The following DNMT3A variants were observed in gnomAD, a reference collection of about 807,000 sequenced individuals.
The protein encoded by DNMT3A is DNA methyltransferase 3 alpha, also known as DNA (cytosine-5)-methyltransferase 3A.
A neutral mutation model predicts 117.6 loss-of-function variants in DNMT3A; 267 were observed. The ratio of observed to expected loss-of-function variants is 2.27; its 90% CI spans 2.05 to 2.51. The LOEUF is 2.51. Ranked by LOEUF, DNMT3A falls within the 30% of genes most tolerant of loss-of-function variation. The pLI is 0.00. For synonymous variants in DNMT3A, 432 were observed against 474.8 expected (o/e 0.91, Z 1.17); for missense variants, 1,029 against 1,260.2 (o/e 0.82, Z 2.78).
intron 3 of DNMT3A, among the ~76,000 whole-genome samples, chr2:25,291,733 G>T (rs985408960): frequency 2.6e-5 from 4 of 152,236 alleles, no homozygotes; most frequent in African/African-American, 9.6e-5. Context: ...TGTCTGAGGA[G>T]AGAACTCTGG....
At chr2:25,329,679 A>C (rs1404391306) in intron 1 of DNMT3A, among the ~76,000 whole-genome samples, 2,833 of 122,586 alleles carry the variant, frequency 0.023, 131 homozygotes, top group African/African-American at 0.075. Context: ...GACCCCACAC[A>C]CACACACACA....
At chr2:25,244,782 G>C in intron 13 of DNMT3A, 130 bp from the exon 14 acceptor site, 1 of 739,792 alleles carries the variant, frequency 1.4e-6, no homozygotes, top group Non-Finnish European at 2.3e-6. Context: ...ACCTTAGCCA[G>C]GGTCAGGCCC....
At chr2:25,243,447 G>A (rs1025353373) in intron 16 of DNMT3A, among the ~76,000 whole-genome samples, 8 of 152,014 alleles carry the variant, frequency 5.3e-5, no homozygotes, top group Admixed American at 1.3e-4. Context: ...AAACACAAAC[G>A]CACAGAAAAA....
At chr2:25,244,374 G>A (rs1455289372) in intron 14 of DNMT3A, 36 bp from the exon 15 acceptor site, 1 of 1,577,866 alleles carries the variant, frequency 6.3e-7, no homozygotes, top group South Asian at 1.1e-5. Context: ...GAGACTCTCA[G>A]CCCTGGTCCG....
At chr2:25,251,296 C>T (rs1675522885) in intron 6 of DNMT3A, among the ~76,000 whole-genome samples, 1 of 151,984 alleles carries the variant, frequency 6.6e-6, no homozygotes. Context: ...CTGCCTTCCT[C>T]CCCAGGCAAA....
intron 19 of DNMT3A, chr2:25,239,625 C>T: frequency 2.1e-6 from 1 of 483,266 alleles, no homozygotes; most frequent in Non-Finnish European, 4.4e-6. Flanking sequence ...TACCCAGAGG[C>T]TGGGAGAGCC....
chr2:25,242,780 G>C (rs1408305716), intron 16 of DNMT3A, among the ~76,000 whole-genome samples: 1 of 152,148 alleles, frequency 6.6e-6, no homozygotes, highest in African/African-American at 2.4e-5. Flanking sequence ...CTCCTAGGAC[G>C]CTTTCTGCAG....
At chr2:25,239,360 A>T in intron 19 of DNMT3A, 145 bp from the exon 20 acceptor site, 2 of 710,886 alleles carry the variant, frequency 2.8e-6, no homozygotes, top group Non-Finnish European at 5.1e-6. Context: ...AGCCTCCAGG[A>T]GAAGCTGGAA....
At chr2:25,336,214 G>A (rs891783030) in intron 1 of DNMT3A, among the ~76,000 whole-genome samples, 1 of 152,236 alleles carries the variant, frequency 6.6e-6, no homozygotes, top group Admixed American at 6.5e-5. Flanking sequence ...CCTCTGGGTT[G>A]GTGGCTCGGT....
chr2:25,329,202 G>A (rs2034915543), intron 1 of DNMT3A, among the ~76,000 whole-genome samples: 1 of 152,136 alleles, frequency 6.6e-6, no homozygotes, highest in African/African-American at 2.4e-5. Context: ...CCAGGGTTCT[G>A]AGCAGCACAT....
intron 2 of DNMT3A, 67 bp downstream of exon 2, chr2:25,313,846 T>A (rs753039749): frequency 6.5e-7 from 1 of 1,547,726 alleles, no homozygotes; most frequent in Non-Finnish European, 8.7e-7. Context: ...GAGCCGGCTG[T>A]CATCACATAG....
intron 3 of DNMT3A, among the ~76,000 whole-genome samples, chr2:25,288,357 G>A (rs1558711089): frequency 6.6e-6 from 1 of 151,936 alleles, no homozygotes; most frequent in Non-Finnish European, 1.5e-5. Flanking sequence ...TGTGAACCTA[G>A]GAGGCAGAGC....
chr2:25,274,279 CT>C (rs1265595788), intron 6 of DNMT3A, among the ~76,000 whole-genome samples: 2 of 152,362 alleles, frequency 1.3e-5, no homozygotes, highest in East Asian at 3.9e-4. Context: ...CACCCCAAAG[CT>C]CTTCTCTGTC....
chr2:25,239,131 TGTTCATACCGGGAAG>T lies in DNMT3A; in HGVS notation c.2392_2406del (p.Leu798_Asn802del). ...CCAGGCCCAGGAGCTTTCACCAACC[TGTTCATACCGGGAAG>T]GTTACCCCAGAAGTAGCGGGCCCTG... On this transcript the variant is annotated inframe_deletion and splice_region_variant, in exon 20 of 23. Coordinates refer to ENST00000321117, the MANE Select transcript of DNMT3A (RefSeq NM_022552.5). The T allele has an allele frequency of 6.2e-7, 1 of 1,613,840 alleles. No homozygotes were observed. Among genetic ancestry groups the T allele is most frequent in the Non-Finnish European group, 8.5e-7 (1 of 1,179,826 alleles).
chr2:25,336,844 T>C (rs1197376342), intron 1 of DNMT3A, among the ~76,000 whole-genome samples: 1 of 152,180 alleles, frequency 6.6e-6, no homozygotes, highest in Non-Finnish European at 1.5e-5. Context: ...GCCCCACTTC[T>C]GTGCTCTGGG....
chr2:25,302,546 A>AC (rs1487932204), intron 2 of DNMT3A, among the ~76,000 whole-genome samples: 2 of 152,306 alleles, frequency 1.3e-5, no homozygotes, highest in African/African-American at 4.8e-5. Flanking sequence ...AGCACAGCAG[A>AC]CGGGCGGTGA....
chr2:25,287,491 T>G (rs2032396679), intron 3 of DNMT3A, among the ~76,000 whole-genome samples: 1 of 152,162 alleles, frequency 6.6e-6, no homozygotes, highest in Non-Finnish European at 1.5e-5. Context: ...ATCTTCGCTT[T>G]CCTTCTGGGC....
rs1672782427 is a variant in DNMT3A at position 25,229,264 on chromosome 2, T to A, written c.*5015A>T. On this transcript the variant is annotated 3_prime_UTR_variant, in exon 23 of 23. Transcript: ENST00000321117. ...CCCTTCCCTCTCCTCCCGGTCCTCC[T>A]GACCCCAGCACAGGGCCTGGTAAGG... 1 of 152,574 alleles carries A rather than the reference T, an allele frequency of 6.6e-6. No homozygotes were observed. Among genetic ancestry groups the A allele is most frequent in the South Asian group, 2.1e-4 (1 of 4,834 alleles). 9.5% of individuals were successfully genotyped at this position (152,574 alleles called of 1,614,324 possible). A position where few individuals can be genotyped will look rare whatever the true frequency, so the allele number is the denominator to read the frequency against.
At chr2:25,241,437 G>C in intron 17 of DNMT3A, 125 bp downstream of exon 17, 1 of 1,315,896 alleles carries the variant, frequency 7.6e-7, no homozygotes, top group Non-Finnish European at 1.0e-6. Context: ...AGGAGAAAAA[G>C]AGGCTGGGGC....
Sources: allele counts gnomAD v4.1 joint callset (sites outside exome capture counted in the v4.1 genomes callset), GRCh38; gene constraint gnomAD v4.1.1; transcripts MANE v1.5; gene names NCBI Gene and HGNC (gene_info 2026-07-23, HGNC 2026-07-21).